CEP85L: variants seen among roughly 807,000 people sequenced by gnomAD.
CEP85L encodes the protein centrosomal protein 85L, also known as centrosomal protein of 85 kDa-like.
In CEP85L, 60 loss-of-function variants were observed where a neutral mutation model predicts 100.3. The observed-to-expected ratio is 0.60, with a 90% CI of 0.49 to 0.74. The LOEUF is 0.74. Ranked by LOEUF, CEP85L falls within the 30% of genes least tolerant of loss-of-function variation. The probability of loss-of-function intolerance (pLI) is 0.00; values close to 1 mark genes in which losing one functional copy is unlikely to be tolerated. For synonymous variants in CEP85L, 319 were observed against 322.7 expected (o/e 0.99, Z 0.12); for missense variants, 973 against 936.2 (o/e 1.04, Z -0.51).
intron 3 of CEP85L, among the ~76,000 whole-genome samples, chr6:118,532,357 G>A (rs1385651968): frequency 6.6e-6 from 1 of 152,036 alleles, no homozygotes; most frequent in Non-Finnish European, 1.5e-5. Context: ...CCTACTTGAT[G>A]AGGGGGGCGG....
At chr6:118,552,006 T>G (rs1486894041) in intron 3 of CEP85L, among the ~76,000 whole-genome samples, 1 of 152,006 alleles carries the variant, frequency 6.6e-6, no homozygotes, top group African/African-American at 2.4e-5. Flanking sequence ...TGTCAGAAAG[T>G]AGTAGAAAAA....
At chr6:118,701,619 A>T (rs1306706467) in intron 1 of CEP85L, among the ~76,000 whole-genome samples, 1 of 152,168 alleles carries the variant, frequency 6.6e-6, no homozygotes, top group Non-Finnish European at 1.5e-5. Context: ...ACTGAAAACT[A>T]CTAGAAGGGA....
At chr6:118,470,745 T>A (rs1404720488) in intron 10 of CEP85L, 101 bp from the exon 11 acceptor site, 3 of 558,262 alleles carry the variant, frequency 5.4e-6, no homozygotes, top group Non-Finnish European at 9.1e-6. Flanking sequence ...ACTTTAAATC[T>A]TCTTTCCTCC....
chr6:118,620,090 G>A (rs1773341495), intron 2 of CEP85L, among the ~76,000 whole-genome samples: 3 of 152,164 alleles, frequency 2.0e-5, no homozygotes, highest in Non-Finnish European at 4.4e-5. Context: ...CAATTACACA[G>A]GGAAAAGAAG....
At chr6:118,465,640 AATC>A in intron 12 of CEP85L, 72 bp from the exon 13 acceptor site, 1 of 1,447,996 alleles carries the variant, frequency 6.9e-7, no homozygotes, top group Non-Finnish European at 9.5e-7. Context: ...TTTTCACCTT[AATC>A]ATCATGGAAA....
intron 5 of CEP85L, chr6:118,502,701 TATG>T: frequency 8.7e-6 from 4 of 458,974 alleles, no homozygotes; most frequent in Non-Finnish European, 4.0e-6. Context: ...CCCTTCCCAA[TATG>T]ATGTCTCTTG....
chr6:118,505,838 C>G (rs926664969), intron 5 of CEP85L, among the ~76,000 whole-genome samples: 9 of 152,078 alleles, frequency 5.9e-5, no homozygotes, highest in Admixed American at 5.9e-4. Flanking sequence ...TTGTCAAAAC[C>G]CTTAGATTGC....
intron 4 of CEP85L, among the ~76,000 whole-genome samples, chr6:118,514,362 T>C (rs1776140533): frequency 6.6e-6 from 1 of 151,504 alleles, no homozygotes; most frequent in Non-Finnish European, 1.5e-5. Flanking sequence ...CCATCTCCAC[T>C]AAAAATACAA....
At chr6:118,485,254 GTGTTTTCCCA>G in intron 6 of CEP85L, among the ~76,000 whole-genome samples, 1 of 152,052 alleles carries the variant, frequency 6.6e-6, no homozygotes, top group East Asian at 1.9e-4. Context: ...TATTTTTACA[GTGTTTTCCCA>G]TATTCACTGG....
At chr6:118,468,407 TAA>T (rs1402862601) in intron 12 of CEP85L, among the ~76,000 whole-genome samples, 1 of 152,164 alleles carries the variant, frequency 6.6e-6, no homozygotes, top group Non-Finnish European at 1.5e-5. Context: ...TTCTCTATTA[TAA>T]AGAGACTAAC....
intron 12 of CEP85L, 142 bp from the exon 13 acceptor site, chr6:118,465,710 T>C (rs1403946987): frequency 4.4e-6 from 3 of 688,426 alleles, no homozygotes; most frequent in Non-Finnish European, 7.2e-6. Flanking sequence ...GTTTAAATCA[T>C]GCATCATTCA....
chr6:118,488,138 T>C (rs1400273997), intron 6 of CEP85L, among the ~76,000 whole-genome samples: 1 of 152,088 alleles, frequency 6.6e-6, no homozygotes, highest in Non-Finnish European at 1.5e-5. Flanking sequence ...TTATATAATA[T>C]ACAAGTATCA....
At chr6:118,684,975 A>T (rs1376056137) in intron 1 of CEP85L, among the ~76,000 whole-genome samples, 1 of 152,198 alleles carries the variant, frequency 6.6e-6, no homozygotes, top group East Asian at 1.9e-4. Context: ...TTTTAAAGGA[A>T]CTTAGAATCT....
chr6:118,512,931 C>T (rs1312689454), intron 4 of CEP85L, among the ~76,000 whole-genome samples: 1 of 152,052 alleles, frequency 6.6e-6, no homozygotes, highest in Admixed American at 6.6e-5. Context: ...TGAAAGTGAG[C>T]TAGAACTGAC....
intron 5 of CEP85L, among the ~76,000 whole-genome samples, chr6:118,503,769 T>C (rs1378127344): frequency 6.7e-6 from 1 of 148,508 alleles, no homozygotes; most frequent in Non-Finnish European, 1.5e-5. Context: ...ACAGACCTTA[T>C]ATTTTTTACA....
At chr6:118,616,944 CAAA>C (rs771551037) in intron 2 of CEP85L, among the ~76,000 whole-genome samples, 1 of 105,718 alleles carries the variant, frequency 9.5e-6, no homozygotes, top group African/African-American at 3.6e-5. Flanking sequence ...GACTCTGTGT[CAAA>C]AAAAAAAAAA....
intron 2 of CEP85L, among the ~76,000 whole-genome samples, chr6:118,595,010 G>T (rs1429706629): frequency 1.3e-5 from 2 of 152,076 alleles, no homozygotes; most frequent in African/African-American, 4.8e-5. Context: ...TAAGCAAAAA[G>T]TAAGTTTCTT....
At chr6:118,619,236 G>A (rs1157610806) in intron 2 of CEP85L, among the ~76,000 whole-genome samples, 1 of 152,036 alleles carries the variant, frequency 6.6e-6, no homozygotes, top group Non-Finnish European at 1.5e-5. Context: ...TCGACCCTGA[G>A]ACCTTAAAAA....
At chr6:118,681,403 T>A (rs919855771) in intron 1 of CEP85L, among the ~76,000 whole-genome samples, 16 of 152,188 alleles carry the variant, frequency 1.1e-4, no homozygotes, top group African/African-American at 3.6e-4. Context: ...TTATCCCTGA[T>A]ACTAATTAGC....
Sources: gnomAD v4.1 joint callset for allele counts (sites outside exome capture counted in the v4.1 genomes callset) on GRCh38, gnomAD v4.1.1 for gene constraint, MANE v1.5 for transcripts, NCBI Gene and HGNC (gene_info 2026-07-23, HGNC 2026-07-21) for gene names.